The following PPIP5K2 variants were observed in gnomAD, a reference collection of about 807,000 sequenced individuals.
PPIP5K2 encodes diphosphoinositol pentakisphosphate kinase 2.
Under a neutral mutation model 154.6 loss-of-function variants are expected in PPIP5K2, and 105 were observed. The ratio of observed to expected loss-of-function variants is 0.68; its 90% CI spans 0.58 to 0.80. The LOEUF is 0.80. PPIP5K2 is among the 30% of genes least tolerant of loss of function. The pLI, the probability that PPIP5K2 is intolerant of heterozygous loss-of-function variation, is 0.00. For synonymous variants in PPIP5K2, 480 were observed against 490.3 expected (o/e 0.98, Z 0.28); for missense variants, 992 against 1,504.6 (o/e 0.66, Z 5.64).
chr5:103,195,419 A>T (rs1554228216), intron 30 of PPIP5K2, among the ~76,000 whole-genome samples: 1 of 152,152 alleles, frequency 6.6e-6, no homozygotes, highest in Non-Finnish European at 1.5e-5. Flanking sequence ...CAGGAGTTCA[A>T]GTCCAGCCTA....
chr5:103,194,954 C>T lies in PPIP5K2; in HGVS notation c.3548C>T (p.Thr1183Met), dbSNP rs138045813. 5.3e-5 allele frequency: 85 copies of T among 1,612,848 alleles called. No homozygotes were observed. The highest frequency in any genetic ancestry group is 6.6e-5 in the Non-Finnish European group (78 of 1,179,378). Reference sequence around the variant, plus strand: ...ATGAGAAAAAAAGTATCTTTAAATACGTATACACCTGCAAAGATCCTCCCA... The same window carrying T: ...ATGAGAAAAAAAGTATCTTTAAATATGTATACACCTGCAAAGATCCTCCCA... ...PIMRKKVSLN[T>M]YTPAKILPTP... The change falls in exon 30 of 31, where the codon ACG becomes ATG. Residue 1183 changes from threonine to methionine, a missense_variant. Coordinates refer to ENST00000358359, the MANE Select transcript of PPIP5K2 (RefSeq NM_001276277.3).
intron 30 of PPIP5K2, among the ~76,000 whole-genome samples, chr5:103,200,499 T>C (rs1208818752): frequency 6.6e-6 from 1 of 151,892 alleles, no homozygotes; most frequent in Admixed American, 6.6e-5. Context: ...TCATATTTAG[T>C]ACAGAGTGTA....
chr5:103,183,666 C>T (rs1015291005), intron 25 of PPIP5K2, among the ~76,000 whole-genome samples: 5 of 152,060 alleles, frequency 3.3e-5, no homozygotes, highest in Non-Finnish European at 5.9e-5. Context: ...AGATGTTATT[C>T]TCCTGGAATT....
intron 5 of PPIP5K2, among the ~76,000 whole-genome samples, chr5:103,142,550 C>T (rs961672719): frequency 1.6e-4 from 25 of 152,318 alleles, no homozygotes; most frequent in Admixed American, 5.9e-4. Context: ...GCAGAGGAGG[C>T]GCCAAGAGCG....
intron 30 of PPIP5K2, among the ~76,000 whole-genome samples, chr5:103,197,566 CA>C (rs1331976669): frequency 3.0e-5 from 4 of 132,286 alleles, no homozygotes; most frequent in African/African-American, 1.1e-4. Flanking sequence ...GTTTAAAACA[CA>C]AATTTTTTTT....
chr5:103,133,651 A>G lies in PPIP5K2; in HGVS notation c.310+3A>G. On this transcript the variant is annotated splice_donor_region_variant and intron_variant, in intron 3 of 30. Transcript: ENST00000358359. ...TCTTATTTCTTTCCATTCTAAAGGTATTAAGGGGAGTGGGGGAGAAACTCC... is the reference window on the plus strand; with the variant it reads ...TCTTATTTCTTTCCATTCTAAAGGTGTTAAGGGGAGTGGGGGAGAAACTCC... The G allele has an allele frequency of 6.3e-7, 1 of 1,576,176 alleles. No individual in the cohort carries two copies. Among genetic ancestry groups the G allele is most frequent in the Non-Finnish European group, 8.6e-7 (1 of 1,164,884 alleles).
chr5:103,174,719 C>T (rs1199542469), intron 21 of PPIP5K2, among the ~76,000 whole-genome samples: 2 of 152,074 alleles, frequency 1.3e-5, no homozygotes, highest in Non-Finnish European at 2.9e-5. Flanking sequence ...CTGCTGCGCT[C>T]TCTTGGTTGA....
At chr5:103,182,382 A>G (rs898704284) in intron 24 of PPIP5K2, among the ~76,000 whole-genome samples, 1 of 152,194 alleles carries the variant, frequency 6.6e-6, no homozygotes, top group South Asian at 2.1e-4. Context: ...GTTGATTTCA[A>G]GAGATTATTT....
At chr5:103,161,183 C>G (rs1296423949) in intron 17 of PPIP5K2, among the ~76,000 whole-genome samples, 2 of 137,346 alleles carry the variant, frequency 1.5e-5, no homozygotes, top group African/African-American at 2.7e-5. Flanking sequence ...TTGTTCAGTT[C>G]CCACCTGTGA....
intron 3 of PPIP5K2, 58 bp downstream of exon 3, chr5:103,133,706 A>G (rs952080213): frequency 1.5e-6 from 2 of 1,351,930 alleles, no homozygotes; most frequent in Middle Eastern, 2.6e-4. Context: ...AAACTAATAC[A>G]TATTAATTGT....
intron 17 of PPIP5K2, among the ~76,000 whole-genome samples, chr5:103,161,501 T>C (rs1415907097): frequency 1.3e-5 from 2 of 152,164 alleles, no homozygotes; most frequent in African/African-American, 2.4e-5. Context: ...GGTCAAATGG[T>C]ATTTCTAGTT....
rs899443135 is a variant in PPIP5K2 at position 103,209,799 on chromosome 5, G to A, written c.*8165G>A. 9.2e-5 allele frequency: 14 copies of A among 152,090 alleles called. No homozygotes were observed. Among genetic ancestry groups the A allele is most frequent in the Non-Finnish European group, 1.9e-4 (13 of 68,004 alleles). The allele number at this position is 152,090 out of a possible 1,614,324, so 9.4% of individuals were successfully genotyped here. A position where few individuals can be genotyped will look rare whatever the true frequency, so the allele number is the denominator to read the frequency against. On this transcript the variant is annotated 3_prime_UTR_variant, in exon 31 of 31. Transcript: ENST00000358359. ...AAAAATTAGGAGAAAAGAGAAAGCA[G>A]AGGAGGGGTGAGACAGAGAACAAAA...
Position 103,157,606 on chromosome 5 carries a change from C to T in PPIP5K2, c.1490-582C>T, listed in dbSNP as rs184564586. On this transcript the variant is annotated intron_variant, in intron 14 of 30. Coordinates refer to ENST00000358359, the MANE Select transcript of PPIP5K2 (RefSeq NM_001276277.3). ...CAGCCTGGCCAACATGGTGAAACCC[C>T]GTCTCTACTAAAAATACAAAAATTA... Among the ~76,000 whole-genome samples, 23 of 151,736 alleles carry T rather than the reference C, an allele frequency of 1.5e-4. No individual in the cohort carries two copies. The East Asian group carries it at 4.1e-3, about 27-fold the overall frequency.
At chr5:103,194,574 C>G (rs1444941615) in intron 29 of PPIP5K2, among the ~76,000 whole-genome samples, 2 of 152,158 alleles carry the variant, frequency 1.3e-5, no homozygotes, top group African/African-American at 4.8e-5. Context: ...GGCAAGAAAA[C>G]TATGCCATTA....
At position 103,138,454 on chromosome 5, in the gene PPIP5K2, C is replaced by A. The variant is rs1791957617; in HGVS notation, c.472C>A (p.Pro158Thr). Reference sequence around the variant, plus strand: ...TCGTTATGCTATTTTGAACCGTGACCCAAATAATCCCAAAGGTAAGAGTAA... The same window carrying A: ...TCGTTATGCTATTTTGAACCGTGACACAAATAATCCCAAAGGTAAGAGTAA... ...LPRYAILNRDPNNPKECNLIE... is the reference protein window; with the variant it reads ...LPRYAILNRDTNNPKECNLIE... The change falls in exon 5 of 31, where the codon CCA (proline) becomes ACA (threonine). Residue 158 changes from proline to threonine, a missense_variant. Around this residue, in one of 9 missense-constraint regions of PPIP5K2, gnomAD observed 153 missense variants for 200.4 expected, o/e 0.76. Transcript: ENST00000358359. The A allele has an allele frequency of 6.9e-6, 11 of 1,599,050 alleles. No individual in the cohort carries two copies. Among genetic ancestry groups the A allele is most frequent in the Non-Finnish European group, 9.4e-6 (11 of 1,168,458 alleles).
At chr5:103,177,466 T>A (rs1048240400) in intron 21 of PPIP5K2, among the ~76,000 whole-genome samples, 10 of 152,010 alleles carry the variant, frequency 6.6e-5, no homozygotes, top group Admixed American at 1.3e-4. Context: ...GTAGAGATTT[T>A]AAAAATATTT....
At chr5:103,139,068 C>A (rs1453587988) in intron 5 of PPIP5K2, among the ~76,000 whole-genome samples, 1 of 152,204 alleles carries the variant, frequency 6.6e-6, no homozygotes. Context: ...CCGCGTATGA[C>A]AAGGGGCAAC....
At chr5:103,163,926 G>T (rs1475426716) in intron 17 of PPIP5K2, among the ~76,000 whole-genome samples, 4 of 151,740 alleles carry the variant, frequency 2.6e-5, no homozygotes, top group Non-Finnish European at 5.9e-5. Flanking sequence ...TTTTTGTTGT[G>T]TCTTATTTCA....
chr5:103,155,040 CT>C (rs1795191045), intron 13 of PPIP5K2, 97 bp downstream of exon 13: 3 of 637,548 alleles, frequency 4.7e-6, no homozygotes, highest in Non-Finnish European at 7.2e-6. Flanking sequence ...ACAGTCTGAT[CT>C]TTTTACTCTT....
Sources: gnomAD v4.1 joint callset for allele counts (sites outside exome capture counted in the v4.1 genomes callset) on GRCh38, gnomAD v4.1.1 for gene constraint, gnomAD v4.1.1 regional missense constraint, MANE v1.5 for transcripts, NCBI Gene and HGNC (gene_info 2026-07-23, HGNC 2026-07-21) for gene names.